Variants in SFXN1 observed in about 807,000 individuals in gnomAD.
SFXN1 encodes the protein sideroflexin 1.
A neutral mutation model predicts 39.5 loss-of-function variants in SFXN1; 32 were observed. The ratio of observed to expected loss-of-function variants is 0.81; its 90% confidence interval spans 0.61 to 1.09. The LOEUF (loss-of-function observed/expected upper bound fraction) is 1.09, where lower values mean the gene tolerates loss of function less well. Among genes scored for constraint, SFXN1 ranks in the 50% least tolerant of loss-of-function variants. The pLI is 0.00. For synonymous variants in SFXN1, 136 were observed against 146.5 expected (o/e 0.93, Z 0.52); for missense variants, 402 against 407.1 (o/e 0.99, Z 0.11).
intron 2 of SFXN1, among the ~76,000 whole-genome samples, chr5:175,505,221 G>A (rs910780983): frequency 6.6e-6 from 1 of 151,980 alleles, no homozygotes; most frequent in Non-Finnish European, 1.5e-5. Context: ...AATTACAACT[G>A]TGGTCACCTG....
intron 8 of SFXN1, among the ~76,000 whole-genome samples, chr5:175,517,455 G>A (rs1760745526): frequency 6.6e-6 from 1 of 152,100 alleles, no homozygotes; most frequent in African/African-American, 2.4e-5. Flanking sequence ...GAGATGATCA[G>A]GACAGCTCAT....
chr5:175,499,391 C>CT (rs568420956), intron 2 of SFXN1, among the ~76,000 whole-genome samples: 50 of 152,262 alleles, frequency 3.3e-4, no homozygotes, highest in Admixed American at 1.0e-3. Flanking sequence ...GGAAAAATGA[C>CT]TAACACCCCT....
At chr5:175,518,408 A>G (rs1175223543) in intron 8 of SFXN1, among the ~76,000 whole-genome samples, 1 of 152,178 alleles carries the variant, frequency 6.6e-6, no homozygotes, top group Non-Finnish European at 1.5e-5. Flanking sequence ...CCTTTGCTGA[A>G]TGCTTGTTTA....
chr5:175,505,993 T>C (rs1053765387), intron 2 of SFXN1, among the ~76,000 whole-genome samples: 7 of 152,086 alleles, frequency 4.6e-5, no homozygotes, highest in African/African-American at 1.7e-4. Flanking sequence ...AGTTTTATAT[T>C]TTTTAGTAGA....
At chr5:175,511,291 T>C (rs900511480) in intron 4 of SFXN1, 160 bp from the exon 5 acceptor site, 5 of 597,496 alleles carry the variant, frequency 8.4e-6, no homozygotes, top group Middle Eastern at 2.6e-4. Context: ...GCTTTTTCTC[T>C]AGATTCCCCT....
At chr5:175,516,089 G>A (rs1760709286) in intron 7 of SFXN1, among the ~76,000 whole-genome samples, 1 of 151,308 alleles carries the variant, frequency 6.6e-6, no homozygotes, top group Non-Finnish European at 1.5e-5. Context: ...AAGCAATGGG[G>A]AGCAGCTGTA....
At chr5:175,478,815 G>C (rs910169269) in intron 1 of SFXN1, 176 bp downstream of exon 1, 2 of 152,176 alleles carry the variant, frequency 1.3e-5, no homozygotes, top group African/African-American at 2.4e-5. Context: ...GGCCGGGGGG[G>C]GGGTCCCTGC....
At position 175,513,506 on chromosome 5, in the gene SFXN1, C is replaced by T. The variant is rs1201704038; in HGVS notation, c.640C>T (p.Arg214Cys). 11 of 1,613,690 alleles carry T rather than the reference C, an allele frequency of 6.8e-6. No individual in the cohort carries two copies. The highest frequency in any genetic ancestry group is 2.2e-5 in the South Asian group (2 of 91,062). Residue 214 changes from arginine to cysteine, a missense_variant, in exon 7 of 11, where the codon CGC becomes TGC. Coordinates refer to ENST00000321442, the MANE Select transcript of SFXN1 (RefSeq NM_022754.7). ...GIPVTDENGN[R>C]LGESANAAKQ... is the part of the protein sequence containing the mutation. ...TCCCGTCACGGATGAGAATGGGAAC[C>T]GCTTGGGGGAGTCGGCGAACGCTGC...
intron 1 of SFXN1, among the ~76,000 whole-genome samples, chr5:175,480,290 A>G (rs919905372): frequency 1.3e-5 from 2 of 152,000 alleles, no homozygotes; most frequent in Non-Finnish European, 2.9e-5. Context: ...AGTCCCAGCT[A>G]CTCGGGAGGC....
chr5:175,498,464 C>T (rs1015165192), intron 2 of SFXN1, among the ~76,000 whole-genome samples: 2 of 152,132 alleles, frequency 1.3e-5, no homozygotes, highest in Admixed American at 6.5e-5. Flanking sequence ...GATCTGACCG[C>T]AGAGTTCATG....
intron 1 of SFXN1, among the ~76,000 whole-genome samples, chr5:175,490,071 T>G (rs1055635016): frequency 2.6e-5 from 4 of 152,212 alleles, no homozygotes; most frequent in Non-Finnish European, 5.9e-5. Context: ...ACTTGCAATG[T>G]TGTGTCCAAA....
rs1251862777 is a variant in SFXN1 at position 175,504,001 on chromosome 5, C to T, written c.165-5031C>T. Among the ~76,000 whole-genome samples, 3 of 67,622 alleles carry T rather than the reference C, an allele frequency of 4.4e-5. No homozygotes were observed. The Admixed American group carries it at 5.2e-4, about 12-fold the overall frequency. The allele number at this position is 67,622 out of a possible 152,430, so 44.4% of individuals were successfully genotyped here. On this transcript the variant is annotated intron_variant, in intron 2 of 10. Coordinates refer to ENST00000321442, the MANE Select transcript of SFXN1 (RefSeq NM_022754.7). The stretch of plus-strand genomic sequence containing the variant: ...TTGGGAAACAAGAGTGACACTCCAT[C>T]TCAAAAAAAAAAAAAAAAAGGGATC...
chr5:175,505,993 T>A (rs1053765387), intron 2 of SFXN1, among the ~76,000 whole-genome samples: 2 of 152,086 alleles, frequency 1.3e-5, no homozygotes, highest in Non-Finnish European at 2.9e-5. Flanking sequence ...AGTTTTATAT[T>A]TTTTAGTAGA....
At position 175,485,575 on chromosome 5, in the gene SFXN1, A is replaced by G. The variant is rs147366950; in HGVS notation, c.-9-6520A>G. Among the ~76,000 whole-genome samples, 38 of 152,326 alleles carry G rather than the reference A, an allele frequency of 2.5e-4. No individual in the cohort carries two copies. The East Asian group carries it at 7.1e-3, about 29-fold the overall frequency. On this transcript the variant is annotated intron_variant, in intron 1 of 10. Transcript: ENST00000321442. ...CTGCATCTCTCAAGATCCTTAACTT[A>G]ATCATATCAGCAAAGTCCCTGCACC...
chr5:175,508,943 A>G, intron 2 of SFXN1, 89 bp from the exon 3 acceptor site: 3 of 1,327,220 alleles, frequency 2.3e-6, no homozygotes. Context: ...CCAGAGCATA[A>G]ACTTTTAAAA....
chr5:175,503,668 A>G (rs891565585), intron 2 of SFXN1, among the ~76,000 whole-genome samples: 1 of 152,182 alleles, frequency 6.6e-6, no homozygotes, highest in African/African-American at 2.4e-5. Context: ...GCACGAAATA[A>G]TGGAACACTA....
chr5:175,517,542 T>C (rs1317722646), intron 8 of SFXN1, among the ~76,000 whole-genome samples: 1 of 152,058 alleles, frequency 6.6e-6, no homozygotes, highest in Non-Finnish European at 1.5e-5. Context: ...ATGAGAGATA[T>C]TGCTCTGAAA....
intron 8 of SFXN1, among the ~76,000 whole-genome samples, chr5:175,520,553 C>G (rs1760848857): frequency 6.6e-6 from 1 of 152,142 alleles, no homozygotes; most frequent in African/African-American, 2.4e-5. Flanking sequence ...CGTCAAAACC[C>G]TCTGCATGAG....
intron 5 of SFXN1, among the ~76,000 whole-genome samples, chr5:175,511,841 A>ATCTCTCTCTC (rs146338435): frequency 2.0e-4 from 19 of 94,456 alleles, no homozygotes; most frequent in African/African-American, 1.1e-3. Flanking sequence ...AGGCAAGAGC[A>ATCTCTCTCTC]TCTCTCTCTC....
Sources: gnomAD v4.1 joint callset for allele counts (sites outside exome capture counted in the v4.1 genomes callset) on GRCh38, gnomAD v4.1.1 for gene constraint, MANE v1.5 for transcripts, NCBI Gene and HGNC (gene_info 2026-07-23, HGNC 2026-07-21) for gene names.